The following DNAJC28 variants were observed in gnomAD, a reference collection of about 807,000 sequenced individuals.
DNAJC28 encodes the protein DnaJ heat shock protein family (Hsp40) member C28, also known as dnaJ homolog subfamily C member 28.
In DNAJC28, 24 loss-of-function variants were observed where a neutral mutation model predicts 33.3. The ratio of observed to expected loss-of-function variants is 0.72; its 90% CI spans 0.52 to 1.01. The LOEUF is 1.01. Ranked by LOEUF, DNAJC28 falls within the 50% of genes least tolerant of loss-of-function variation. DNAJC28 has a pLI of 0.00. For synonymous variants in DNAJC28, 120 were observed against 147.2 expected, an observed-to-expected ratio of 0.82 and a Z score of 1.34; for missense variants, 442 against 455.2, an observed-to-expected ratio of 0.97 and a Z score of 0.26.
chr21:33,490,354 G>A (rs564734776), intron 1 of DNAJC28, among the ~76,000 whole-genome samples: 25 of 151,260 alleles, frequency 1.7e-4, no homozygotes, highest in Admixed American at 4.0e-4. Flanking sequence ...TGATCTGCCC[G>A]CCTCGACCTC....
intron 1 of DNAJC28, 116 bp from the exon 2 acceptor site, chr21:33,489,540 C>A (rs1021146563): frequency 5.9e-5 from 27 of 455,538 alleles, no homozygotes; most frequent in Non-Finnish European, 8.1e-5. Flanking sequence ...AGGGGCAGTT[C>A]TTTTGAATGC....
At position 33,488,776 on chromosome 21, in the gene DNAJC28, G is replaced by A; in HGVS notation, c.618C>T (p.Asp206=). 6.2e-7 allele frequency: 1 copy of A among 1,613,568 alleles called. No individual in the cohort carries two copies. The highest frequency in any genetic ancestry group is 8.5e-7 in the Non-Finnish European group (1 of 1,179,934). ...ITQAIERLVE[D]LIQESMAKGD... ...CTTTTGCCATGGATTCTTGAATGAG[G>A]TCCTCCACTAAACGTTCTATAGCTT... Residue 206 remains aspartate, a synonymous_variant, in exon 2 of 2, where the codon GAC becomes GAT. Transcript: ENST00000381947.
intron 1 of DNAJC28, among the ~76,000 whole-genome samples, chr21:33,490,153 G>A (rs1369923707): frequency 6.8e-6 from 1 of 146,380 alleles, no homozygotes; most frequent in African/African-American, 2.5e-5. Flanking sequence ...GTCTCACCCA[G>A]GCTGGAGTGC....
At position 33,489,190 on chromosome 21, in the gene DNAJC28, C is replaced by A; in HGVS notation, c.204G>T (p.Arg68Ser). Reference sequence around the variant, plus strand: ...GCTTGGCAAGCTTATGAAAAGATTCCCTGACTTCATCTGCAGAGCATCCTT... The same window carrying A: ...GCTTGGCAAGCTTATGAAAAGATTCACTGACTTCATCTGCAGAGCATCCTT... ...VEEGCSADEV[R>S]ESFHKLAKQY... The change falls in exon 2 of 2, where the codon AGG becomes AGT. Residue 68 changes from arginine to serine, a missense_variant. Coordinates refer to ENST00000381947, the MANE Select transcript of DNAJC28 (RefSeq NM_001040192.3). 6.2e-7 allele frequency: 1 copy of A among 1,609,970 alleles called. No individual in the cohort carries two copies. Among genetic ancestry groups the A allele is most frequent in the South Asian group, 1.1e-5 (1 of 89,874 alleles).
intron 1 of DNAJC28, among the ~76,000 whole-genome samples, chr21:33,490,227 G>C (rs2084510479): frequency 6.6e-6 from 1 of 150,442 alleles, no homozygotes. Context: ...TCCTGCCTCA[G>C]CCTCCCAAGT....
Position 33,488,397 on chromosome 21 carries a change from C to A in DNAJC28, c.997G>T (p.Glu333Ter). 1.9e-6 allele frequency: 3 copies of A among 1,590,240 alleles called. No individual in the cohort carries two copies. Among genetic ancestry groups the A allele is most frequent in the South Asian group, 2.3e-5 (2 of 85,650 alleles). The change falls in exon 2 of 2, where the codon GAA becomes TAA. Residue 333 changes from glutamate (E) to a stop codon, truncating the protein, a stop_gained. Coordinates refer to ENST00000381947, the MANE Select transcript of DNAJC28 (RefSeq NM_001040192.3). LOFTEE classifies it high-confidence loss of function. ...RQKVHFDAQK[E>*]IVRAQKIYET... ...TATATTTTCTGGGCTCTGACAATTT[C>A]TTTCTGAGCATCAAAATGGACTTTT...
In DNAJC28 at chr21:33,489,016, G is replaced by T. The variant is rs377576614; in HGVS notation, c.378C>A (p.Phe126Leu). 1.2e-6 allele frequency: 2 copies of T among 1,612,274 alleles called. No individual in the cohort carries two copies. The highest frequency in any genetic ancestry group is 1.7e-6 in the Non-Finnish European group (2 of 1,179,648). ...GTCGGTGTTGGGGTGTTTTATATTT[G>T]AATTTTTCTACATCTTCTTCTTCTT... Reference protein sequence around the residue: ...KGEEEEDVEKFKYKTPQHRHY... With the variant: ...KGEEEEDVEKLKYKTPQHRHY... Residue 126 changes from phenylalanine (F) to leucine (L), a missense_variant, in exon 2 of 2, where the codon TTC becomes TTA. Physicochemically the swap from Phe to Leu is conservative, Grantham distance 22 (BLOSUM62 0). Transcript: ENST00000381947.
chr21:33,491,292 TA>T (rs1437071929), intron 1 of DNAJC28: 1 of 152,230 alleles, frequency 6.6e-6, no homozygotes, highest in Admixed American at 6.5e-5. Context: ...TTGGGATATA[TA>T]AACGCTAAAA....
At chr21:33,490,910 C>T (rs1375084963) in intron 1 of DNAJC28, among the ~76,000 whole-genome samples, 1 of 152,076 alleles carries the variant, frequency 6.6e-6, no homozygotes, top group Non-Finnish European at 1.5e-5. Context: ...TTAACCAAGT[C>T]CCATAACAAG....
chr21:33,489,080 T>A lies in DNAJC28; in HGVS notation c.314A>T (p.His105Leu). 1 of 1,613,766 alleles carries A rather than the reference T, an allele frequency of 6.2e-7. No homozygotes were observed. Among genetic ancestry groups the A allele is most frequent in the Non-Finnish European group, 8.5e-7 (1 of 1,179,950 alleles). Residue 105 changes from histidine to leucine, a missense_variant, in exon 2 of 2, where the codon CAT becomes CTT. Transcript: ENST00000381947. ...ACTGGCATTTGTTTGTTCTATCACA[T>A]GGGAGAGCACCTTTCTATAAGCTTT... Reference protein sequence around the residue: ...IEKAYRKVLSHVIEQTNASQS... With the variant: ...IEKAYRKVLSLVIEQTNASQS...
In DNAJC28 at chr21:33,488,113, T is replaced by G; in HGVS notation, c.*114A>C. 1.2e-6 allele frequency: 1 copy of G among 831,472 alleles called. No individual in the cohort carries two copies. 51.5% of individuals were successfully genotyped at this position (831,472 alleles called of 1,614,324 possible). A position where few individuals can be genotyped will look rare whatever the true frequency, so the allele number is the denominator to read the frequency against. On this transcript the variant is annotated 3_prime_UTR_variant, in exon 2 of 2. Coordinates refer to ENST00000381947, the MANE Select transcript of DNAJC28 (RefSeq NM_001040192.3). The stretch of plus-strand genomic sequence containing the variant: ...CACTCACACATCATTGGCTATGTGA[T>G]TAGTTTTGTGATAAGTACAATGGCA...
Position 33,488,393 on chromosome 21 carries a change from ATTTC to A in DNAJC28, c.997_1000del (p.Glu333LeufsTer12), listed in dbSNP as rs1180917499. The stretch of plus-strand genomic sequence containing the variant: ...CTCGTATATTTTCTGGGCTCTGACA[ATTTC>A]TTTCTGAGCATCAAAATGGACTTTT... On this transcript the variant is annotated frameshift_variant, in exon 2 of 2. Transcript: ENST00000381947. LOFTEE classifies it high-confidence loss of function. 6 of 1,590,760 alleles carry A rather than the reference ATTTC, an allele frequency of 3.8e-6. No individual in the cohort carries two copies. The highest frequency in any genetic ancestry group is 4.3e-6 in the Non-Finnish European group (5 of 1,173,686).
rs1294592278 is a variant in DNAJC28, at chr21:33,489,346, C to A, written c.48G>T (p.Leu16=). 2.6e-6 allele frequency: 4 copies of A among 1,549,408 alleles called. No individual in the cohort carries two copies. The African/African-American group carries it at 5.5e-5, about 21-fold the overall frequency. The change falls in exon 2 of 2, where the codon CTG becomes CTT. Residue 16 remains leucine (L), a synonymous_variant. Transcript: ENST00000381947. ...VMMAQILRSH[L]IKATVIPNRV... Reference sequence around the variant, plus strand: ...GATTAGGAATCACTGTAGCCTTTATCAGGTGAGATCTTAAGATCTGAGCCA... The same window carrying A: ...GATTAGGAATCACTGTAGCCTTTATAAGGTGAGATCTTAAGATCTGAGCCA...
chr21:33,491,685 C>T lies in DNAJC28; in HGVS notation c.-115G>A, dbSNP rs751326045. 6.6e-6 allele frequency: 1 copy of T among 152,396 alleles called. No individual in the cohort carries two copies. The highest frequency in any genetic ancestry group is 1.5e-5 in the Non-Finnish European group (1 of 68,152). The allele number at this position is 152,396 out of a possible 1,614,324, so 9.4% of individuals were successfully genotyped here. On this transcript the variant is annotated 5_prime_UTR_variant, in exon 1 of 2. Coordinates refer to ENST00000381947, the MANE Select transcript of DNAJC28 (RefSeq NM_001040192.3). Reference sequence around the variant, plus strand: ...ACCCCGGAGGACCCAGGCAGGGCACCTCGGGAGCCTTCGTCCCGACCGGGG... The same window carrying T: ...ACCCCGGAGGACCCAGGCAGGGCACTTCGGGAGCCTTCGTCCCGACCGGGG...
chr21:33,489,181 A>G lies in DNAJC28; in HGVS notation c.213T>C (p.Phe71=), dbSNP rs747392274. Residue 71 remains phenylalanine (F), a synonymous_variant, in exon 2 of 2, where the codon TTT becomes TTC. Transcript: ENST00000381947. ...GCSADEVRES[F]HKLAKQYHPD... is the part of the protein sequence containing the mutation. ...GATGATATTGCTTGGCAAGCTTATG[A>G]AAAGATTCCCTGACTTCATCTGCAG... The G allele has an allele frequency of 1.9e-6, 3 of 1,610,986 alleles. No individual in the cohort carries two copies. In the African/African-American group the frequency reaches 4.0e-5, roughly 22 times the overall value.
In DNAJC28 at chr21:33,488,479, T is replaced by G; in HGVS notation, c.915A>C (p.Arg305Ser). ...HVCEQFQENI[R>S]KLNKRINDFN... The stretch of plus-strand genomic sequence containing the variant: ...AATCATTAATTCGCTTGTTTAATTT[T>G]CTGATGTTTTCTTGAAACTGCTCAC... The change falls in exon 2 of 2, where the codon AGA (arginine) becomes AGC (serine). Residue 305 changes from arginine (R) to serine (S), a missense_variant. Physicochemically the swap from Arg to Ser is moderately radical, Grantham distance 110. Transcript: ENST00000381947. 1 of 1,612,140 alleles carries G rather than the reference T, an allele frequency of 6.2e-7. No individual in the cohort carries two copies. Among genetic ancestry groups the G allele is most frequent in the East Asian group, 2.2e-5 (1 of 44,868 alleles).
Position 33,488,609 on chromosome 21 carries a change from T to G in DNAJC28, c.785A>C (p.Glu262Ala). The G allele has an allele frequency of 6.2e-7, 1 of 1,614,082 alleles. No individual in the cohort carries two copies. The stretch of plus-strand genomic sequence containing the variant: ...GAGTTGCTCAATAGTATCGCTTATT[T>G]CCTTTTGCTTAAGGATCCATTCTGG... ...YQPEWILKQK[E>A]ISDTIEQLRE... Residue 262 changes from glutamate (E) to alanine (A), a missense_variant, in exon 2 of 2, where the codon GAA (glutamate) becomes GCA (alanine). By Grantham distance (107) the Glu-to-Ala change is moderately radical. Transcript: ENST00000381947.
rs2084482183 is a variant in DNAJC28, at chr21:33,488,406, C to G, written c.988G>C (p.Ala330Pro). Residue 330 changes from alanine to proline, a missense_variant, in exon 2 of 2, where the codon GCT (alanine) becomes CCT (proline). Transcript: ENST00000381947. Reference sequence around the variant, plus strand: ...TGGGCTCTGACAATTTCTTTCTGAGCATCAAAATGGACTTTTTGCCTGGTC... The same window carrying G: ...TGGGCTCTGACAATTTCTTTCTGAGGATCAAAATGGACTTTTTGCCTGGTC... ...ILTRQKVHFDAQKEIVRAQKI... is the reference protein window; with the variant it reads ...ILTRQKVHFDPQKEIVRAQKI... The G allele has an allele frequency of 4.4e-6, 7 of 1,590,270 alleles. No homozygotes were observed. Among genetic ancestry groups the G allele is most frequent in the Non-Finnish European group, 6.0e-6 (7 of 1,173,192 alleles).
chr21:33,489,656 A>AT (rs2084503946), intron 1 of DNAJC28, among the ~76,000 whole-genome samples: 2 of 150,730 alleles, frequency 1.3e-5, no homozygotes, highest in Non-Finnish European at 2.9e-5. Context: ...CGCCTAGCTA[A>AT]TTTTTTTGTA....
Sources: allele counts gnomAD v4.1 joint callset (sites outside exome capture counted in the v4.1 genomes callset), GRCh38; gene constraint gnomAD v4.1.1; transcripts MANE v1.5; gene names NCBI Gene and HGNC (gene_info 2026-07-23, HGNC 2026-07-21).